NWD2: variants seen among roughly 807,000 people sequenced by gnomAD.
The protein encoded by NWD2 is NACHT and WD repeat domain-containing protein 2.
A neutral mutation model predicts 132.7 loss-of-function variants in NWD2; 37 were observed. That is an observed-to-expected ratio of 0.28 (90% CI 0.21 to 0.37). The LOEUF (loss-of-function observed/expected upper bound fraction) is 0.37. NWD2 is among the 10% of genes least tolerant of loss of function. The pLI is 1.00. For synonymous variants in NWD2, 705 were observed against 803.0 expected (o/e 0.88, Z 2.06); for missense variants, 1,592 against 2,122.4 (o/e 0.75, Z 4.91).
At chr4:37,264,997 T>C (rs1300010481) in intron 1 of NWD2, among the ~76,000 whole-genome samples, 2 of 152,068 alleles carry the variant, frequency 1.3e-5, no homozygotes, top group Admixed American at 6.6e-5. Flanking sequence ...CTCCCAGCCA[T>C]GTAGTGTGTA....
chr4:37,442,637 C>G (rs1403814891), intron 6 of NWD2, among the ~76,000 whole-genome samples: 3 of 152,088 alleles, frequency 2.0e-5, no homozygotes, highest in Non-Finnish European at 4.4e-5. Flanking sequence ...TAACAAAGCT[C>G]TTTTAACCAC....
At chr4:37,252,633 T>A (rs557450256) in intron 1 of NWD2, among the ~76,000 whole-genome samples, 14 of 152,334 alleles carry the variant, frequency 9.2e-5, no homozygotes, top group African/African-American at 3.1e-4. Context: ...TTCTTTCAGC[T>A]AAGCCTAGAC....
intron 1 of NWD2, among the ~76,000 whole-genome samples, chr4:37,258,232 C>A (rs1468927577): frequency 6.6e-6 from 1 of 152,222 alleles, no homozygotes; most frequent in African/African-American, 2.4e-5. Context: ...AAATCTCTTG[C>A]ATGATTAAAA....
chr4:37,436,422 G>T (rs1446891828), intron 5 of NWD2, among the ~76,000 whole-genome samples: 1 of 152,024 alleles, frequency 6.6e-6, no homozygotes, highest in Non-Finnish European at 1.5e-5. Context: ...GTATATTTAA[G>T]TCTATACCAT....
intron 1 of NWD2, among the ~76,000 whole-genome samples, chr4:37,310,424 A>T (rs1718810947): frequency 6.6e-6 from 1 of 152,212 alleles, no homozygotes; most frequent in African/African-American, 2.4e-5. Context: ...CCTAAAATGT[A>T]TTCAGGTGTA....
chr4:37,273,901 T>G (rs1717931879), intron 1 of NWD2, among the ~76,000 whole-genome samples: 1 of 151,906 alleles, frequency 6.6e-6, no homozygotes, highest in African/African-American at 2.4e-5. Flanking sequence ...AGACACAACA[T>G]ACCAGAATCT....
chr4:37,317,902 A>AT (rs1247579725), intron 1 of NWD2, among the ~76,000 whole-genome samples: 4 of 151,918 alleles, frequency 2.6e-5, no homozygotes, highest in South Asian at 4.1e-4. Flanking sequence ...GGACATGTTA[A>AT]TTTTTTTACT....
intron 1 of NWD2, among the ~76,000 whole-genome samples, chr4:37,294,634 C>T (rs1471669018): frequency 2.0e-5 from 3 of 152,184 alleles, no homozygotes; most frequent in Admixed American, 6.5e-5. Context: ...TTGTCTGTAA[C>T]AAAAATTTTT....
chr4:37,268,396 G>T (rs1717801095), intron 1 of NWD2, among the ~76,000 whole-genome samples: 1 of 151,816 alleles, frequency 6.6e-6, no homozygotes, highest in Non-Finnish European at 1.5e-5. Context: ...TTTAATCATA[G>T]ATCTTTTACG....
chr4:37,283,744 A>G (rs1718173851), intron 1 of NWD2, among the ~76,000 whole-genome samples: 1 of 152,182 alleles, frequency 6.6e-6, no homozygotes, highest in Admixed American at 6.5e-5. Context: ...TCTCAGTAGT[A>G]TCTGAGGAGT....
At chr4:37,320,087 T>C (rs1020577406) in intron 1 of NWD2, among the ~76,000 whole-genome samples, 3 of 152,208 alleles carry the variant, frequency 2.0e-5, no homozygotes, top group Non-Finnish European at 2.9e-5. Context: ...TTTAATGATA[T>C]TGTGTCTTGT....
intron 1 of NWD2, among the ~76,000 whole-genome samples, chr4:37,286,009 A>G (rs1718224447): frequency 6.6e-6 from 1 of 152,252 alleles, no homozygotes. Flanking sequence ...ATATGTGTGC[A>G]CCTGAAGCAT....
chr4:37,345,480 T>C (rs1577674859), intron 2 of NWD2, among the ~76,000 whole-genome samples: 1 of 152,340 alleles, frequency 6.6e-6, no homozygotes, highest in South Asian at 2.1e-4. Context: ...CATCTTTTTA[T>C]GTTGGAAATT....
chr4:37,281,775 ATT>A (rs1475292323), intron 1 of NWD2, among the ~76,000 whole-genome samples: 2 of 152,136 alleles, frequency 1.3e-5, no homozygotes, highest in Admixed American at 1.3e-4. Context: ...AAGAAATTTC[ATT>A]TTCTTATATA....
chr4:37,334,558 T>C (rs550894883), intron 2 of NWD2, among the ~76,000 whole-genome samples: 23 of 152,318 alleles, frequency 1.5e-4, no homozygotes, highest in Middle Eastern at 3.4e-3. Flanking sequence ...AAGACATCTT[T>C]TCCGATTTCT....
At chr4:37,246,417 C>G (rs964541134) in intron 1 of NWD2, among the ~76,000 whole-genome samples, 2 of 152,100 alleles carry the variant, frequency 1.3e-5, no homozygotes, top group South Asian at 4.1e-4. Context: ...ATAACATGCA[C>G]TAATTAGTAT....
intron 3 of NWD2, among the ~76,000 whole-genome samples, chr4:37,409,019 A>G (rs1050735685): frequency 1.3e-5 from 2 of 152,152 alleles, no homozygotes; most frequent in Non-Finnish European, 2.9e-5. Flanking sequence ...AACATCAAAG[A>G]CCAAAGGTAG....
At chr4:37,275,295 C>T (rs987936366) in intron 1 of NWD2, among the ~76,000 whole-genome samples, 16 of 150,282 alleles carry the variant, frequency 1.1e-4, no homozygotes, top group African/African-American at 3.4e-4. Context: ...AACAGACAAA[C>T]AGCCAAATCA....
chr4:37,272,467 G>A (rs553723970), intron 1 of NWD2, among the ~76,000 whole-genome samples: 42 of 151,880 alleles, frequency 2.8e-4, no homozygotes, highest in African/African-American at 9.4e-4. Flanking sequence ...TATAGTACAA[G>A]TCAGATTTTC....
Sources: gnomAD v4.1 joint callset for allele counts (sites outside exome capture counted in the v4.1 genomes callset) on GRCh38, gnomAD v4.1.1 for gene constraint, MANE v1.5 for transcripts, NCBI Gene and HGNC (gene_info 2026-07-23, HGNC 2026-07-21) for gene names.